Variants in PCNT observed in about 807,000 individuals in gnomAD.
PCNT encodes kendrin.
A neutral mutation model predicts 380.4 loss-of-function variants in PCNT; 319 were observed. The observed-to-expected ratio is 0.84, with a 90% CI of 0.77 to 0.92. The LOEUF (loss-of-function observed/expected upper bound fraction) is 0.92, where lower values mean the gene tolerates loss of function less well. Among genes scored for constraint, PCNT ranks in the 40% least tolerant of loss-of-function variants. The probability of loss-of-function intolerance (pLI) is 0.00; values close to 1 mark genes in which losing one functional copy is unlikely to be tolerated. For synonymous variants in PCNT, 1,845 were observed against 1,735.2 expected, an observed-to-expected ratio of 1.06 and a Z score of -1.57; for missense variants, 4,400 against 4,255.3, an observed-to-expected ratio of 1.03 and a Z score of -0.95.
Position 46,348,737 on chromosome 21 carries a change from C to T in PCNT, c.1033-275C>T, listed in dbSNP as rs1357892708. ...TCAATTGATCCTCCTGCCTCAGCCT[C>T]CCGAGTAGCTGGGACTATAGTTGCA... On this transcript the variant is annotated intron_variant, in intron 6 of 46. Coordinates refer to ENST00000359568, the MANE Select transcript of PCNT (RefSeq NM_006031.6). Among the ~76,000 whole-genome samples the T allele has an allele frequency of 2.0e-5, 3 of 152,156 alleles. No individual in the cohort carries two copies. The East Asian group carries it at 5.8e-4, about 29-fold the overall frequency.
rs370949019 is a variant in PCNT at position 46,324,169 on chromosome 21, C to A, written c.-60C>A. ...CGCGGGGGAGGGAGTGTAAATAGAG[C>A]GAAGGCTGCTCTGTGTCAGCCCCGT... On this transcript the variant is annotated 5_prime_UTR_variant, in exon 1 of 47. Coordinates refer to ENST00000359568, the MANE Select transcript of PCNT (RefSeq NM_006031.6). 211 of 1,433,696 alleles carry A rather than the reference C, an allele frequency of 1.5e-4. 1 individual carries two copies. In the African/African-American group the frequency reaches 2.8e-3, roughly 19 times the overall value. 88.8% of individuals were successfully genotyped at this position (1,433,696 alleles called of 1,614,324 possible).
intron 17 of PCNT, among the ~76,000 whole-genome samples, chr21:46,387,277 G>C (rs1042986345): frequency 7.0e-4 from 107 of 152,192 alleles, no homozygotes; most frequent in South Asian, 6.2e-4. Context: ...TGATTTTTCT[G>C]TGAGGACCTT....
Position 46,437,085 on chromosome 21 carries a change from A to AG in PCNT, c.9099+8dup. 6.2e-7 allele frequency: 1 copy of AG among 1,608,568 alleles called. No individual in the cohort carries two copies. Among genetic ancestry groups the AG allele is most frequent in the Non-Finnish European group, 8.5e-7 (1 of 1,175,420 alleles). On this transcript the variant is annotated splice_donor_region_variant and intron_variant, in intron 40 of 46. Coordinates refer to ENST00000359568, the MANE Select transcript of PCNT (RefSeq NM_006031.6). ...GAGCAGGCCCACCTCCTCCCAGGTAAGGGGTGAGCGCCCCCAGGTCCCTGG... is the reference window on the plus strand; with the variant it reads ...GAGCAGGCCCACCTCCTCCCAGGTAAGGGGGTGAGCGCCCCCAGGTCCCTGG...
At chr21:46,360,213 ATTTTTTTTTT>A (rs71318070) in intron 13 of PCNT, among the ~76,000 whole-genome samples, 43 of 82,474 alleles carry the variant, frequency 5.2e-4, no homozygotes, top group Admixed American at 1.9e-3. Context: ...ATAGTTGGCA[ATTTTTTTTTT>A]TTTTTTTTTT....
intron 9 of PCNT, 79 bp downstream of exon 9, chr21:46,351,619 A>G (rs2084275492): frequency 2.3e-6 from 2 of 877,186 alleles, no homozygotes; most frequent in African/African-American, 1.6e-5. Flanking sequence ...CCAAGCCAGA[A>G]TTTAACAATT....
chr21:46,324,193 GT>G lies in PCNT; in HGVS notation c.-35del. The G allele has an allele frequency of 1.3e-6, 2 of 1,590,796 alleles. No homozygotes were observed. The highest frequency in any genetic ancestry group is 1.7e-6 in the Non-Finnish European group (2 of 1,165,028). On this transcript the variant is annotated 5_prime_UTR_variant, in exon 1 of 47. Transcript: ENST00000359568. Reference sequence around the variant, plus strand: ...GCGAAGGCTGCTCTGTGTCAGCCCCGTCACCGCCGGGCGGCCCGCGCGGAGT... The same window carrying G: ...GCGAAGGCTGCTCTGTGTCAGCCCCGCACCGCCGGGCGGCCCGCGCGGAGT...
chr21:46,346,665 C>T, intron 4 of PCNT, 78 bp from the exon 5 acceptor site: 8 of 1,497,188 alleles, frequency 5.3e-6, no homozygotes, highest in Non-Finnish European at 7.2e-6. Context: ...TACTCATTCT[C>T]ATTCATGCTT....
In PCNT at chr21:46,388,189, G is replaced by A. The variant is rs1384500599; in HGVS notation, c.3465-553G>A. Among the ~76,000 whole-genome samples, 25 of 151,104 alleles carry A rather than the reference G, an allele frequency of 1.7e-4. No individual in the cohort carries two copies. The highest frequency in any genetic ancestry group is 2.8e-4 in the Non-Finnish European group (19 of 67,816). The stretch of plus-strand genomic sequence containing the variant: ...CGTGCCACTGCACTCCAGCCTGGGC[G>A]ACAGAGCGAGACTCCATCTCAAAAA... On this transcript the variant is annotated intron_variant, in intron 17 of 46. Coordinates refer to ENST00000359568, the MANE Select transcript of PCNT (RefSeq NM_006031.6). The surrounding 1 kb of genome is among the most constrained non-coding windows in gnomAD (Gnocchi z 4.2).
At chr21:46,415,959 A>G (rs1022464191) in intron 29 of PCNT, 110 bp from the exon 30 acceptor site, 8 of 964,872 alleles carry the variant, frequency 8.3e-6, no homozygotes, top group Non-Finnish European at 1.1e-5. Context: ...CTCATTGTGG[A>G]ATCACCCGAG....
At chr21:46,378,065 A>G (rs955549182) in intron 15 of PCNT, among the ~76,000 whole-genome samples, 10 of 152,168 alleles carry the variant, frequency 6.6e-5, no homozygotes, top group Admixed American at 1.3e-4. Context: ...TGTTTTCTGC[A>G]TATCTTATGC....
Position 46,430,126 on chromosome 21 carries a change from C to T in PCNT, c.7807C>T (p.Gln2603Ter). Reference protein sequence around the residue: ...NSVQKLLAAEQTVVRDLKSDL... With the variant: ...NSVQKLLAAE ...CGTGCAGAAGCTCCTGGCGGCGGAG[C>T]AGACTGTAGTGCGAGATTTGAAGTC... The change falls in exon 36 of 47, where the codon CAG becomes TAG. Residue 2603 changes from glutamine to a stop codon, truncating the protein, a stop_gained. Coordinates refer to ENST00000359568, the MANE Select transcript of PCNT (RefSeq NM_006031.6). LOFTEE classifies it high-confidence loss of function. 6.2e-7 allele frequency: 1 copy of T among 1,614,192 alleles called. No homozygotes were observed. Among genetic ancestry groups the T allele is most frequent in the Non-Finnish European group, 8.5e-7 (1 of 1,180,020 alleles).
Position 46,441,017 on chromosome 21 carries a change from C to T in PCNT, c.9556C>T (p.Arg3186Trp), listed in dbSNP as rs765572416. 140 of 1,613,988 alleles carry T rather than the reference C, an allele frequency of 8.7e-5. 2 individuals are homozygous for T. In the East Asian group the frequency reaches 8.7e-4, roughly 10 times the overall value. The stretch of plus-strand genomic sequence containing the variant: ...GGGGGTATTTCCTTCCAAAGCAGAA[C>T]GGAAAATCACATCTCGTCCTTTCAC... ...HLGVFPSKAERKITSRPFTRF... is the reference protein window; with the variant it reads ...HLGVFPSKAEWKITSRPFTRF... Residue 3186 changes from arginine (R) to tryptophan (W), a missense_variant, in exon 43 of 47, where the codon CGG (arginine) becomes TGG (tryptophan). Arg to Trp is a moderately radical substitution (Grantham distance 101). Coordinates refer to ENST00000359568, the MANE Select transcript of PCNT (RefSeq NM_006031.6).
At chr21:46,426,070 T>A in intron 33 of PCNT, 99 bp downstream of exon 33, 38 of 420,496 alleles carry the variant, frequency 9.0e-5, no homozygotes, top group African/African-American at 1.8e-4. Context: ...GATTTCTTTC[T>A]TTTTTTTTTT....
In PCNT at chr21:46,398,245, T is replaced by C. The variant is rs2086273668; in HGVS notation, c.4574T>C (p.Leu1525Pro). 4 of 1,607,122 alleles carry C rather than the reference T, an allele frequency of 2.5e-6. No individual in the cohort carries two copies. The highest frequency in any genetic ancestry group is 1.1e-5 in the South Asian group (1 of 90,110). The stretch of plus-strand genomic sequence containing the variant: ...ACATGAAATCGGCAGCAGGCGCCGC[T>C]GGATGGAGAGGTGAGGAGGCGTCAA... ...WGPRDSQQAP[L>P]DGEVELLQQK... The change falls in exon 24 of 47, where the codon CTG becomes CCG. Residue 1525 changes from leucine to proline, a missense_variant. Leu to Pro is a moderately conservative substitution (Grantham distance 98, BLOSUM62 -3). Transcript: ENST00000359568.
chr21:46,346,287 G>A, intron 4 of PCNT, 79 bp downstream of exon 4: 1 of 719,630 alleles, frequency 1.4e-6, no homozygotes. Context: ...CCGGGTGGGG[G>A]TGGGGTGGGC....
At chr21:46,339,004 A>G (rs1372912559) in intron 3 of PCNT, among the ~76,000 whole-genome samples, 1 of 151,808 alleles carries the variant, frequency 6.6e-6, no homozygotes, top group Non-Finnish European at 1.5e-5. Flanking sequence ...CTGGTCTCGA[A>G]CTCCTGACCT....
Position 46,366,686 on chromosome 21 carries a change from C to T in PCNT, c.2712C>T (p.Leu904=). The T allele has an allele frequency of 6.2e-7, 1 of 1,613,852 alleles. No individual in the cohort carries two copies. The highest frequency in any genetic ancestry group is 8.5e-7 in the Non-Finnish European group (1 of 1,180,006). ...AGCATGCCCGTGAGCTGCAGCTCCT[C>T]CAGGAGAGACACCAGCAGCAGCTCC... The part of the protein sequence containing the change: ...QEQHARELQL[L]QERHQQQLLS... The change falls in exon 15 of 47, where the codon CTC becomes CTT. Residue 904 remains leucine, a synonymous_variant. Coordinates refer to ENST00000359568, the MANE Select transcript of PCNT (RefSeq NM_006031.6).
chr21:46,416,952 C>A, intron 30 of PCNT, 113 bp downstream of exon 30: 1 of 1,012,656 alleles, frequency 9.9e-7, no homozygotes, highest in Non-Finnish European at 1.5e-6. Context: ...CCTCGCAGTG[C>A]TGTGTGGGGC....
At chr21:46,334,816 C>G (rs776607876) in intron 3 of PCNT, 48 bp downstream of exon 3, 2 of 1,613,936 alleles carry the variant, frequency 1.2e-6, no homozygotes, top group Admixed American at 3.3e-5. Flanking sequence ...CAAAAGATTT[C>G]TTTATGTTGT....
Sources: gnomAD v4.1 joint callset for allele counts (sites outside exome capture counted in the v4.1 genomes callset) on GRCh38, gnomAD v4.1.1 for gene constraint, Gnocchi (gnomAD v3.1) non-coding constraint, MANE v1.5 for transcripts, NCBI Gene and HGNC (gene_info 2026-07-23, HGNC 2026-07-21) for gene names.